Variants in MCTP2 observed in about 807,000 individuals in gnomAD.
The protein encoded by MCTP2 is multiple C2 and transmembrane domain containing 2, also known as multiple C2 and transmembrane domain-containing protein 2.
A neutral mutation model predicts 111.6 loss-of-function variants in MCTP2; 132 were observed. The observed-to-expected ratio is 1.18, with a 90% CI of 1.03 to 1.37. The LOEUF (loss-of-function observed/expected upper bound fraction) is 1.37. Ranked by LOEUF, MCTP2 falls within the 40% of genes most tolerant of loss-of-function variation. MCTP2 has a pLI of 0.00. For missense variants in MCTP2, 1,183 were observed against 1,067.9 expected (o/e 1.11, Z -1.50); for synonymous variants, 395 against 387.7 (o/e 1.02, Z -0.22).
chr15:94,373,752 T>C (rs1051128100), intron 12 of MCTP2, among the ~76,000 whole-genome samples: 3 of 152,228 alleles, frequency 2.0e-5, no homozygotes, highest in Admixed American at 6.5e-5. Context: ...TAAGCAGTTA[T>C]TCTAGTAGAA....
At chr15:94,428,045 A>T (rs2082980403) in intron 17 of MCTP2, among the ~76,000 whole-genome samples, 1 of 151,820 alleles carries the variant, frequency 6.6e-6, no homozygotes, top group Non-Finnish European at 1.5e-5. Flanking sequence ...ATTATGCTTC[A>T]CTCTCGTAAG....
At chr15:94,443,981 C>CAAAA (rs58768404) in intron 19 of MCTP2, among the ~76,000 whole-genome samples, 7,264 of 69,022 alleles carry the variant, frequency 0.11, 1,140 homozygotes, top group East Asian at 0.24. Flanking sequence ...GATATTTTAC[C>CAAAA]AAAAAAAAAA....
chr15:94,296,168 T>C (rs1481461679), intron 1 of MCTP2, among the ~76,000 whole-genome samples: 1 of 152,210 alleles, frequency 6.6e-6, no homozygotes, highest in Non-Finnish European at 1.5e-5. Flanking sequence ...CTCTCCTTCA[T>C]TAAATGCTAA....
chr15:94,454,099 TATTTTC>T (rs551665124), intron 19 of MCTP2, among the ~76,000 whole-genome samples: 65 of 152,366 alleles, frequency 4.3e-4, no homozygotes, highest in Admixed American at 3.5e-3. Flanking sequence ...TTTGTGAAAT[TATTTTC>T]ATTTTTTTAC....
At chr15:94,418,640 A>T (rs891339031) in intron 17 of MCTP2, among the ~76,000 whole-genome samples, 1 of 152,074 alleles carries the variant, frequency 6.6e-6, no homozygotes, top group Non-Finnish European at 1.5e-5. Flanking sequence ...TTCTGCCTTT[A>T]TGAGCGGTGT....
intron 18 of MCTP2, among the ~76,000 whole-genome samples, chr15:94,440,506 C>T (rs559932307): frequency 6.6e-6 from 1 of 152,302 alleles, no homozygotes; most frequent in South Asian, 2.1e-4. Flanking sequence ...GAGTCTTGGC[C>T]TGCATGAAGG....
intron 8 of MCTP2, among the ~76,000 whole-genome samples, chr15:94,347,108 A>G (rs1020882330): frequency 1.1e-4 from 16 of 152,294 alleles, no homozygotes; most frequent in Admixed American, 2.0e-4. Context: ...AATTTCAATT[A>G]TGTTGACTTT....
chr15:94,477,257 T>C (rs2074441901), intron 22 of MCTP2, among the ~76,000 whole-genome samples: 1 of 152,166 alleles, frequency 6.6e-6, no homozygotes, highest in South Asian at 2.1e-4. Context: ...TCGTCTTCCC[T>C]CTGAAGACTT....
chr15:94,396,017 A>T (rs1042270796), intron 14 of MCTP2, among the ~76,000 whole-genome samples: 1 of 152,218 alleles, frequency 6.6e-6, no homozygotes, highest in Non-Finnish European at 1.5e-5. Context: ...ACTGTCCTGC[A>T]TAGATGGTTT....
intron 17 of MCTP2, among the ~76,000 whole-genome samples, chr15:94,406,243 C>T (rs973258583): frequency 2.0e-5 from 3 of 152,104 alleles, no homozygotes; most frequent in Non-Finnish European, 4.4e-5. Flanking sequence ...TTACTATCTT[C>T]TTTTTACAGA....
chr15:94,420,674 A>G (rs2082584024), intron 17 of MCTP2, among the ~76,000 whole-genome samples: 1 of 152,210 alleles, frequency 6.6e-6, no homozygotes, highest in African/African-American at 2.4e-5. Context: ...CTATAATCTC[A>G]TGATGAAACT....
intron 12 of MCTP2, among the ~76,000 whole-genome samples, chr15:94,381,121 C>G (rs987379399): frequency 6.6e-6 from 1 of 152,168 alleles, no homozygotes; most frequent in Non-Finnish European, 1.5e-5. Flanking sequence ...TCTCCCTTGT[C>G]CTTTTCTCTC....
intron 14 of MCTP2, among the ~76,000 whole-genome samples, chr15:94,386,973 TA>T (rs910752143): frequency 5.3e-5 from 8 of 151,962 alleles, no homozygotes; most frequent in East Asian, 1.9e-4. Flanking sequence ...GTAGCCAACC[TA>T]AAAAAAAGTC....
intron 1 of MCTP2, among the ~76,000 whole-genome samples, chr15:94,235,017 C>T (rs374297452): frequency 4.6e-5 from 7 of 151,990 alleles, no homozygotes; most frequent in East Asian, 1.9e-4. Context: ...TTTGGGAGGC[C>T]GAGTTGGGTG....
intron 17 of MCTP2, among the ~76,000 whole-genome samples, chr15:94,411,874 A>G (rs771799952): frequency 2.4e-4 from 36 of 152,298 alleles, no homozygotes; most frequent in Non-Finnish European, 4.3e-4. Flanking sequence ...ACCTAAATCC[A>G]TATTGGTTTT....
intron 10 of MCTP2, among the ~76,000 whole-genome samples, chr15:94,360,402 C>T (rs1259280865): frequency 6.6e-6 from 1 of 152,200 alleles, no homozygotes; most frequent in Non-Finnish European, 1.5e-5. Context: ...AGGTACTTCT[C>T]AGTGTGTCTG....
intron 12 of MCTP2, 124 bp from the exon 13 acceptor site, chr15:94,383,898 A>G: frequency 2.9e-6 from 2 of 688,774 alleles, no homozygotes; most frequent in Admixed American, 2.3e-5. Context: ...TCCATGACTC[A>G]TTGGAAAAGC....
intron 2 of MCTP2, among the ~76,000 whole-genome samples, chr15:94,302,170 C>T (rs74354771): frequency 0.019 from 2,950 of 152,222 alleles, 41 homozygotes; most frequent in South Asian, 0.055. Context: ...TGTGTACCAG[C>T]GCTTCTCTGG....
chr15:94,260,181 A>G (rs1015654476), intron 1 of MCTP2, among the ~76,000 whole-genome samples: 9 of 152,096 alleles, frequency 5.9e-5, no homozygotes, highest in Non-Finnish European at 4.4e-5. Flanking sequence ...GGCCACGGAA[A>G]CTTCTCCTGT....
Sources: allele counts gnomAD v4.1 joint callset (sites outside exome capture counted in the v4.1 genomes callset), GRCh38; gene constraint gnomAD v4.1.1; transcripts MANE v1.5; gene names NCBI Gene and HGNC (gene_info 2026-07-23, HGNC 2026-07-21).